Variants in MAGI2 observed in about 807,000 individuals in gnomAD.
The protein encoded by MAGI2 is membrane-associated guanylate kinase, WW and PDZ domain-containing protein 2.
A neutral mutation model predicts 133.3 loss-of-function variants in MAGI2; 35 were observed. That is an observed-to-expected ratio of 0.26 (90% CI 0.20 to 0.35). MAGI2 has a LOEUF of 0.35. Among genes scored for constraint, MAGI2 ranks in the 10% least tolerant of loss-of-function variants. MAGI2 has a pLI of 1.00. For synonymous variants in MAGI2, 729 were observed against 710.6 expected (o/e 1.03, Z -0.41); for missense variants, 1,636 against 1,863.4 (o/e 0.88, Z 2.25).
At chr7:79,363,901 T>C (rs1159757262) in intron 1 of MAGI2, among the ~76,000 whole-genome samples, 1 of 151,720 alleles carries the variant, frequency 6.6e-6, no homozygotes, top group East Asian at 1.9e-4. Flanking sequence ...AAATATTACA[T>C]ATCCATAAAA....
At chr7:78,054,049 G>A (rs532913930) in intron 21 of MAGI2, among the ~76,000 whole-genome samples, 1 of 152,184 alleles carries the variant, frequency 6.6e-6, no homozygotes, top group South Asian at 2.1e-4. Context: ...TATAAGTGGA[G>A]GAAACCAGGC....
At chr7:79,024,450 T>G (rs145439638) in intron 1 of MAGI2, among the ~76,000 whole-genome samples, 1 of 151,938 alleles carries the variant, frequency 6.6e-6, no homozygotes, top group Non-Finnish European at 1.5e-5. Context: ...AAGCCACCAA[T>G]AGCAATTGCA....
intron 6 of MAGI2, among the ~76,000 whole-genome samples, chr7:78,469,556 T>C (rs1365936375): frequency 6.6e-6 from 1 of 151,420 alleles, no homozygotes; most frequent in Non-Finnish European, 1.5e-5. Flanking sequence ...TTAGCCCAGG[T>C]AAAAAAAAAG....
intron 21 of MAGI2, among the ~76,000 whole-genome samples, chr7:78,074,721 T>A (rs1040870088): frequency 1.3e-5 from 2 of 152,240 alleles, no homozygotes; most frequent in South Asian, 2.1e-4. Flanking sequence ...ATTCTTTTTT[T>A]AAATGAAAGC....
intron 20 of MAGI2, among the ~76,000 whole-genome samples, chr7:78,108,667 TGTATACACACATATATGTGA>T (rs1376564743): frequency 6.1e-5 from 8 of 130,886 alleles, no homozygotes; most frequent in Non-Finnish European, 1.4e-4. Flanking sequence ...TGTGTGTGTG[TGTATACACACATATATGTGA>T]GTGTATACAC....
intron 1 of MAGI2, among the ~76,000 whole-genome samples, chr7:79,236,000 A>C (rs755713021): frequency 5.3e-5 from 8 of 152,194 alleles, no homozygotes; most frequent in Admixed American, 2.6e-4. Context: ...CCACATCTTC[A>C]CTGCTATACA....
Position 78,019,113 on chromosome 7 carries a change from C to A in MAGI2, c.*202G>T. 2.0e-6 allele frequency: 1 copy of A among 511,768 alleles called. No individual in the cohort carries two copies. Among genetic ancestry groups the A allele is most frequent in the Non-Finnish European group, 3.3e-6 (1 of 300,164 alleles). 31.7% of individuals were successfully genotyped at this position (511,768 alleles called of 1,614,324 possible). ...AAAGCCCCCACAAGGGAACCGGGGG[C>A]TTTAGGATCAGTTTAGGTCTGCGCG... On this transcript the variant is annotated 3_prime_UTR_variant, in exon 22 of 22. Coordinates refer to ENST00000354212, the MANE Select transcript of MAGI2 (RefSeq NM_012301.4).
At chr7:78,253,687 T>C (rs917860584) in intron 10 of MAGI2, 1 of 152,220 alleles carries the variant, frequency 6.6e-6, no homozygotes, top group African/African-American at 2.4e-5. Context: ...AAGTCTGGGA[T>C]AGGACAGACA....
chr7:79,180,210 A>T (rs1308228222), intron 1 of MAGI2, among the ~76,000 whole-genome samples: 1 of 152,074 alleles, frequency 6.6e-6, no homozygotes, highest in Non-Finnish European at 1.5e-5. Flanking sequence ...AAACTGAGAT[A>T]TCATCTTGCC....
At chr7:78,398,562 T>A (rs1454675976) in intron 6 of MAGI2, among the ~76,000 whole-genome samples, 7 of 152,174 alleles carry the variant, frequency 4.6e-5, no homozygotes, top group African/African-American at 1.7e-4. Context: ...TTAGAGAACT[T>A]GCAAATTGTA....
At chr7:78,340,241 T>A (rs1349454265) in intron 9 of MAGI2, among the ~76,000 whole-genome samples, 3 of 151,992 alleles carry the variant, frequency 2.0e-5, no homozygotes, top group African/African-American at 7.3e-5. Context: ...ATAGTTATTG[T>A]ACTTTATAAT....
chr7:78,017,203 G>T lies in MAGI2; in HGVS notation c.*2112C>A, dbSNP rs1433661001. ...AGTTGCTCACTTACAGTCTTTCTGT[G>T]ACTATTAATACATGGAATTATATTT... On this transcript the variant is annotated 3_prime_UTR_variant, in exon 22 of 22. Transcript: ENST00000354212. 1 of 152,582 alleles carries T rather than the reference G, an allele frequency of 6.6e-6. No individual in the cohort carries two copies. The highest frequency in any genetic ancestry group is 2.4e-5 in the African/African-American group (1 of 41,422). 9.5% of individuals were successfully genotyped at this position (152,582 alleles called of 1,614,324 possible). A position where few individuals can be genotyped will look rare whatever the true frequency, so the allele number is the denominator to read the frequency against.
intron 1 of MAGI2, among the ~76,000 whole-genome samples, chr7:79,058,324 T>G (rs1034303435): frequency 1.3e-5 from 2 of 152,114 alleles, no homozygotes; most frequent in African/African-American, 4.8e-5. Context: ...CCAAGATAAC[T>G]AATACACTTA....
At chr7:78,618,418 A>G (rs541143561) in intron 3 of MAGI2, 1 of 151,888 alleles carries the variant, frequency 6.6e-6, no homozygotes, top group East Asian at 1.9e-4. Flanking sequence ...TTGTTATCCA[A>G]TTTTTTTCCA....
chr7:78,577,651 T>C (rs1364539267), intron 3 of MAGI2, among the ~76,000 whole-genome samples: 2 of 87,776 alleles, frequency 2.3e-5, no homozygotes, highest in Admixed American at 1.5e-4. Context: ...GGTTGTTCTC[T>C]GGCGGGCAGG....
At chr7:79,391,562 TAC>T (rs754392939) in intron 1 of MAGI2, among the ~76,000 whole-genome samples, 7,219 of 68,164 alleles carry the variant, frequency 0.11, 506 homozygotes, top group African/African-American at 0.34. Flanking sequence ...TATATATATA[TAC>T]ACACTTTACT....
chr7:78,723,617 G>T (rs1317365767), intron 2 of MAGI2, among the ~76,000 whole-genome samples: 2 of 152,152 alleles, frequency 1.3e-5, no homozygotes, highest in Non-Finnish European at 2.9e-5. Context: ...AGGCACAAGA[G>T]CAAGAGGGTG....
intron 1 of MAGI2, among the ~76,000 whole-genome samples, chr7:79,409,267 T>A (rs116363657): frequency 0.011 from 1,614 of 147,378 alleles, 25 homozygotes; most frequent in African/African-American, 0.038. Flanking sequence ...ATATCTTTTT[T>A]AAAATGTTTT....
chr7:78,100,804 C>T (rs1279081622), intron 20 of MAGI2, among the ~76,000 whole-genome samples: 1 of 152,078 alleles, frequency 6.6e-6, no homozygotes, highest in Admixed American at 6.6e-5. Context: ...ATAGAAAATA[C>T]TAGAGAATTT....
Sources: allele counts gnomAD v4.1 joint callset (sites outside exome capture counted in the v4.1 genomes callset), GRCh38; gene constraint gnomAD v4.1.1; transcripts MANE v1.5; gene names NCBI Gene and HGNC (gene_info 2026-07-23, HGNC 2026-07-21).